MCM8: variants seen among roughly 807,000 people sequenced by gnomAD.
The protein encoded by MCM8 is DNA helicase MCM8.
MCM8 carries 85 observed loss-of-function variants against 98.9 expected under a neutral mutation model. The ratio of observed to expected loss-of-function variants is 0.86; its 90% CI spans 0.72 to 1.03. The LOEUF is 1.03. Among genes scored for constraint, MCM8 ranks in the 50% least tolerant of loss-of-function variants. The probability of loss-of-function intolerance (pLI) is 0.00; values close to 1 mark genes in which losing one functional copy is unlikely to be tolerated. For missense variants in MCM8, 951 were observed against 997.8 expected, an observed-to-expected ratio of 0.95 and a Z score of 0.63; for synonymous variants, 352 against 338.6, an observed-to-expected ratio of 1.04 and a Z score of -0.44.
In MCM8 at chr20:5,957,039, A is replaced by G. The variant is rs564595798; in HGVS notation, c.487-87A>G. The G allele has an allele frequency of 5.4e-6, 4 of 734,080 alleles. No individual in the cohort carries two copies. The African/African-American group carries it at 5.5e-5, about 10-fold the overall frequency. The allele number at this position is 734,080 out of a possible 1,614,324, so 45.5% of individuals were successfully genotyped here. ...CTGTTTTTATTCTGTTTCTGTCCAT[A>G]AACTTTATATTCTCTATAAAAATAG... On this transcript the variant is annotated intron_variant, in intron 5 of 18. Transcript: ENST00000610722.
intron 12 of MCM8, among the ~76,000 whole-genome samples, chr20:5,976,766 T>C (rs1568587763): frequency 1.3e-5 from 2 of 152,104 alleles, no homozygotes; most frequent in African/African-American, 4.8e-5. Flanking sequence ...TGAAAGGGTT[T>C]ACAAGTGAAG....
rs1469282764 is a variant in MCM8 at position 5,967,877 on chromosome 20, G to A, written c.1075G>A (p.Ala359Thr). The change falls in exon 10 of 19, where the codon GCA (alanine) becomes ACA (threonine). Residue 359 changes from alanine to threonine, a missense_variant. Transcript: ENST00000610722. The stretch of plus-strand genomic sequence containing the variant: ...GTGTATGTTCCTTTTGTATATTGAA[G>A]CAAATTCTATTAGTAATAGCAAAGG... ...DKCMFLLYIE[A>T]NSISNSKGQK... is the part of the protein sequence containing the mutation. 1 of 1,613,480 alleles carries A rather than the reference G, an allele frequency of 6.2e-7. No homozygotes were observed. Among genetic ancestry groups the A allele is most frequent in the Non-Finnish European group, 8.5e-7 (1 of 1,179,786 alleles).
chr20:5,994,177 A>G (rs1401934901), intron 18 of MCM8, 122 bp from the exon 19 acceptor site: 6 of 545,478 alleles, frequency 1.1e-5, no homozygotes. Flanking sequence ...TGTAAGAAAT[A>G]AAAATAATTT....
intron 13 of MCM8, 42 bp downstream of exon 13, chr20:5,978,059 T>G: frequency 6.2e-7 from 1 of 1,607,396 alleles, no homozygotes. Flanking sequence ...TGGGACTTTT[T>G]GAAAAGCCTT....
At chr20:5,990,369 G>A (rs551955582) in intron 17 of MCM8, among the ~76,000 whole-genome samples, 126 of 152,168 alleles carry the variant, frequency 8.3e-4, no homozygotes, top group Non-Finnish European at 2.1e-4. Flanking sequence ...GAGCCACCGC[G>A]CCTGACATCA....
intron 13 of MCM8, 70 bp from the exon 14 acceptor site, chr20:5,982,900 C>A (rs1282259828): frequency 1.6e-6 from 2 of 1,274,994 alleles, no homozygotes; most frequent in Non-Finnish European, 2.2e-6. Context: ...GAAACAATTT[C>A]TATCCTATAA....
intron 5 of MCM8, among the ~76,000 whole-genome samples, 186 bp from the exon 6 acceptor site, chr20:5,956,940 C>A (rs1287474925): frequency 1.3e-5 from 2 of 151,650 alleles, no homozygotes; most frequent in African/African-American, 4.8e-5. Flanking sequence ...ACAGCAAAAT[C>A]CAATGTAAAA....
intron 3 of MCM8, among the ~76,000 whole-genome samples, chr20:5,953,851 A>T (rs556796058): frequency 3.6e-4 from 54 of 152,076 alleles, no homozygotes; most frequent in African/African-American, 1.3e-3. Flanking sequence ...TGCAGTAGTC[A>T]TTTTGTGAAT....
chr20:5,951,590 A>T (rs1305883407), intron 1 of MCM8, among the ~76,000 whole-genome samples: 2 of 152,206 alleles, frequency 1.3e-5, no homozygotes, highest in East Asian at 1.9e-4. Flanking sequence ...AGCTATGATG[A>T]TGTATCCCTA....
chr20:5,967,383 G>A, intron 8 of MCM8, 53 bp from the exon 9 acceptor site: 2 of 1,533,506 alleles, frequency 1.3e-6, no homozygotes, highest in Non-Finnish European at 9.0e-7. Flanking sequence ...TTAATATCTT[G>A]CAGAAACCAT....
At chr20:5,977,266 A>ACATGATTTCATTTATTGTT (rs1298796832) in intron 12 of MCM8, among the ~76,000 whole-genome samples, 1 of 152,230 alleles carries the variant, frequency 6.6e-6, no homozygotes. Context: ...TGCCTTTCAT[A>ACATGATTTCATTTATTGTT]CATGATTTCA....
chr20:5,964,131 T>C (rs2089221270), intron 8 of MCM8, among the ~76,000 whole-genome samples: 1 of 151,748 alleles, frequency 6.6e-6, no homozygotes, highest in Admixed American at 6.6e-5. Context: ...TTTTTTTTTT[T>C]TTTTTGCAAG....
At chr20:5,991,828 A>G (rs916107851) in intron 17 of MCM8, among the ~76,000 whole-genome samples, 16 of 152,206 alleles carry the variant, frequency 1.1e-4, no homozygotes, top group African/African-American at 3.9e-4. Context: ...AGTTGACCTT[A>G]GTAATGATTC....
chr20:5,950,756 T>G lies in MCM8; in HGVS notation c.-273T>G, dbSNP rs1299830601. The G allele has an allele frequency of 2.2e-5, 4 of 183,556 alleles. No individual in the cohort carries two copies. Among genetic ancestry groups the G allele is most frequent in the African/African-American group, 9.4e-5 (4 of 42,540 alleles). The allele number at this position is 183,556 out of a possible 1,614,324, so 11.4% of individuals were successfully genotyped here. A position where few individuals can be genotyped will look rare whatever the true frequency, so the allele number is the denominator to read the frequency against. Reference sequence around the variant, plus strand: ...GGCGCTGTGCGCTACAGACACCTTCTGGAAGCTGCGGTGGGGAAACTGAGT... The same window carrying G: ...GGCGCTGTGCGCTACAGACACCTTCGGGAAGCTGCGGTGGGGAAACTGAGT... On this transcript the variant is annotated 5_prime_UTR_variant, in exon 1 of 19. Coordinates refer to ENST00000610722, the MANE Select transcript of MCM8 (RefSeq NM_032485.6).
rs149093766 is a variant in MCM8 at position 5,981,879 on chromosome 20, A to G, written c.1538-1091A>G. On this transcript the variant is annotated intron_variant, in intron 13 of 18. Coordinates refer to ENST00000610722, the MANE Select transcript of MCM8 (RefSeq NM_032485.6). Reference sequence around the variant, plus strand: ...ATGAGAGACAAATTGATGACTAACAATGTTATTAAACTAATATATAAAATT... The same window carrying G: ...ATGAGAGACAAATTGATGACTAACAGTGTTATTAAACTAATATATAAAATT... Among the ~76,000 whole-genome samples the G allele has an allele frequency of 5.3e-5, 8 of 152,352 alleles. No individual in the cohort carries two copies. In the East Asian group the frequency reaches 5.8e-4, roughly 11 times the overall value.
chr20:5,953,906 G>A (rs1016196808), intron 3 of MCM8, among the ~76,000 whole-genome samples: 6 of 151,814 alleles, frequency 4.0e-5, no homozygotes, highest in African/African-American at 1.2e-4. Context: ...AAATCTGTTC[G>A]TTTTTTTCCA....
rs2089754037 is a variant in MCM8 at position 5,987,321 on chromosome 20, GAA to G, written c.2204_2205del (p.Glu735GlyfsTer3). On this transcript the variant is annotated frameshift_variant, in exon 17 of 19. Transcript: ENST00000610722. LOFTEE classifies it high-confidence loss of function. The part of the protein sequence containing the change: ...RLELREEATK[E>X]DAEDIVEIMK... ...GGAATTGAGAGAGGAAGCAACCAAAGAAGACGCTGAGGATATAGTGGAAATTA... is the reference window on the plus strand; with the variant it reads ...GGAATTGAGAGAGGAAGCAACCAAAGGACGCTGAGGATATAGTGGAAATTA... 6.2e-7 allele frequency: 1 copy of G among 1,613,248 alleles called. No homozygotes were observed. The highest frequency in any genetic ancestry group is 1.3e-5 in the African/African-American group (1 of 74,862).
At chr20:5,952,693 CTT>C (rs2088865697) in intron 3 of MCM8, among the ~76,000 whole-genome samples, 165 bp downstream of exon 3, 1 of 152,088 alleles carries the variant, frequency 6.6e-6, no homozygotes, top group African/African-American at 2.4e-5. Flanking sequence ...GCATTTTAGA[CTT>C]TATATCAGTC....
At chr20:5,956,546 G>A (rs1398187510) in intron 5 of MCM8, among the ~76,000 whole-genome samples, 1 of 152,022 alleles carries the variant, frequency 6.6e-6, no homozygotes, top group African/African-American at 2.4e-5. Flanking sequence ...GGCATGCACT[G>A]CCACACTTGG....
Sources: allele counts gnomAD v4.1 joint callset (sites outside exome capture counted in the v4.1 genomes callset), GRCh38; gene constraint gnomAD v4.1.1; transcripts MANE v1.5; gene names NCBI Gene and HGNC (gene_info 2026-07-23, HGNC 2026-07-21).